SOS2: variants seen among roughly 807,000 people sequenced by gnomAD.
The protein encoded by SOS2 is SOS Ras/Rho guanine nucleotide exchange factor 2, also known as son of sevenless homolog 2.
SOS2 carries 65 observed loss-of-function variants against 148.2 expected under a neutral mutation model. That is an observed-to-expected ratio of 0.44 (90% CI 0.36 to 0.54). SOS2 has a LOEUF of 0.54. Among genes scored for constraint, SOS2 ranks in the 20% least tolerant of loss-of-function variants. SOS2 has a pLI of 0.00. For missense variants in SOS2, 1,341 were observed against 1,590.2 expected, an observed-to-expected ratio of 0.84 and a Z score of 2.67; for synonymous variants, 539 against 537.1, an observed-to-expected ratio of 1.00 and a Z score of -0.05.
intron 14 of SOS2, among the ~76,000 whole-genome samples, chr14:50,146,628 C>CA (rs2139582135): frequency 1.3e-5 from 2 of 152,230 alleles, no homozygotes; most frequent in South Asian, 4.2e-4. Context: ...GCCTGGGCAA[C>CA]AGAGTGAGAC....
intron 11 of SOS2, 39 bp downstream of exon 11, chr14:50,158,526 A>G (rs891733945): frequency 7.9e-7 from 1 of 1,260,708 alleles, no homozygotes; most frequent in African/African-American, 1.5e-5. Context: ...TTAATTTTTC[A>G]CAAAATGTCA....
intron 1 of SOS2, among the ~76,000 whole-genome samples, chr14:50,224,744 G>A (rs1887315324): frequency 6.6e-6 from 1 of 151,856 alleles, no homozygotes; most frequent in South Asian, 2.1e-4. Flanking sequence ...AAATTAGCTG[G>A]GTGTAGTGGC....
Position 50,145,111 on chromosome 14 carries a change from TC to T in SOS2, c.2667+58del. 3.2e-6 allele frequency: 3 copies of T among 938,198 alleles called. No individual in the cohort carries two copies. In the East Asian group the frequency reaches 8.6e-5, roughly 27 times the overall value. The allele number at this position is 938,198 out of a possible 1,614,324, so 58.1% of individuals were successfully genotyped here. The stretch of plus-strand genomic sequence containing the variant: ...AAAAAGACAGATGATAGATGAAATT[TC>T]TTTTATGCTAATTTCATCATCCCCG... On this transcript the variant is annotated intron_variant, in intron 16 of 22. Transcript: ENST00000216373.
chr14:50,224,304 A>AAAAAAT (rs1243000778), intron 1 of SOS2, among the ~76,000 whole-genome samples: 3 of 62,672 alleles, frequency 4.8e-5, no homozygotes, highest in African/African-American at 1.8e-4. Context: ...AAAAAAAAAA[A>AAAAAAT]ATATATATAT....
chr14:50,180,488 A>G, intron 7 of SOS2, 84 bp downstream of exon 7: 2 of 642,844 alleles, frequency 3.1e-6, no homozygotes, highest in Non-Finnish European at 5.2e-6. Flanking sequence ...TTCCAGAATT[A>G]CAAATATTTG....
intron 8 of SOS2, among the ~76,000 whole-genome samples, chr14:50,163,374 CA>C: frequency 1.3e-5 from 2 of 152,188 alleles, no homozygotes; most frequent in Non-Finnish European, 2.9e-5. Context: ...CTTTCCTCAG[CA>C]AAGAACTAAC....
At chr14:50,161,695 A>G in intron 8 of SOS2, 86 bp from the exon 9 acceptor site, 1 of 1,209,334 alleles carries the variant, frequency 8.3e-7, no homozygotes, top group Non-Finnish European at 1.2e-6. Flanking sequence ...AGCAACAAAT[A>G]TTATCAACTC....
chr14:50,145,492 G>A lies in SOS2; in HGVS notation c.2489C>T (p.Thr830Ile). 6.2e-7 allele frequency: 1 copy of A among 1,603,012 alleles called. No homozygotes were observed. The highest frequency in any genetic ancestry group is 8.5e-7 in the Non-Finnish European group (1 of 1,172,710). The change falls in exon 15 of 23, where the codon ACC becomes ATC. Residue 830 changes from threonine (T) to isoleucine (I), a missense_variant. By Grantham distance (89) the Thr-to-Ile change is moderately conservative (BLOSUM62 -1). Around this residue, in one of 4 missense-constraint regions of SOS2, gnomAD observed 408 missense variants for 506.6 expected, o/e 0.81. Transcript: ENST00000216373. ...TAAAACTTACTTTTCAAACCAGAGG[G>A]TGAGATTTGTGGTATGGCGAATCAT... is the stretch of plus-strand genomic sequence containing the variant. ...LKMIRHTTNL[T>I]LWFEKCIVEA...
rs76151618 is a variant in SOS2, at chr14:50,211,383, A to C, written c.88-6974T>G. On this transcript the variant is annotated intron_variant, in intron 1 of 22. Coordinates refer to ENST00000216373, the MANE Select transcript of SOS2 (RefSeq NM_006939.4). ...GGTATATGTGCAGATTTTGTTACCTAGGTATATTGTGTCATGCTGAGGTTT... is the reference window on the plus strand; with the variant it reads ...GGTATATGTGCAGATTTTGTTACCTCGGTATATTGTGTCATGCTGAGGTTT... Among the ~76,000 whole-genome samples, 1,438 of 152,146 alleles carry C rather than the reference A, an allele frequency of 9.5e-3. 16 individuals are homozygous for C. The highest frequency in any genetic ancestry group is 0.065 in the Middle Eastern group (19 of 292).
intron 21 of SOS2, among the ~76,000 whole-genome samples, chr14:50,123,543 C>CTGTATTTTT (rs1883590209): frequency 6.6e-6 from 1 of 152,026 alleles, no homozygotes; most frequent in Non-Finnish European, 1.5e-5. Flanking sequence ...CAACCAGGCC[C>CTGTATTTTT]AGCTAATTTT....
intron 21 of SOS2, among the ~76,000 whole-genome samples, chr14:50,126,234 A>C (rs1883675993): frequency 6.6e-6 from 1 of 152,162 alleles, no homozygotes; most frequent in Non-Finnish European, 1.5e-5. Flanking sequence ...TTTTTTCAAA[A>C]ATACTGTAAT....
chr14:50,192,143 C>CAAAAAAAA (rs201836422), intron 4 of SOS2, among the ~76,000 whole-genome samples: 5 of 118,926 alleles, frequency 4.2e-5, no homozygotes, highest in Non-Finnish European at 8.3e-5. Context: ...GTCCTTGTCA[C>CAAAAAAAA]AAAAAAAAAA....
chr14:50,165,459 T>C (rs1885135994), intron 8 of SOS2, among the ~76,000 whole-genome samples: 2 of 152,092 alleles, frequency 1.3e-5, no homozygotes, highest in Non-Finnish European at 2.9e-5. Context: ...CCCAAAACCA[T>C]TATGTATTTT....
Position 50,150,239 on chromosome 14 carries a change from A to G in SOS2, c.2162-9T>C, listed in dbSNP as rs1323977339. On this transcript the variant is annotated splice_polypyrimidine_tract_variant and intron_variant, in intron 13 of 22. Transcript: ENST00000216373. ...TTTTTTCATAGCTTTCCCTGGAAAA[A>G]GAACACATAAAGAAAAATGTCTTTT... 3.3e-6 allele frequency: 5 copies of G among 1,535,750 alleles called. No individual in the cohort carries two copies. The highest frequency in any genetic ancestry group is 1.4e-5 in the African/African-American group (1 of 73,506).
intron 1 of SOS2, among the ~76,000 whole-genome samples, chr14:50,220,286 G>A (rs1232664269): frequency 6.7e-6 from 1 of 149,910 alleles, no homozygotes; most frequent in Non-Finnish European, 1.5e-5. Context: ...GGCGCCTGTA[G>A]TCCCAGCTAC....
At chr14:50,225,968 C>T (rs957040703) in intron 1 of SOS2, among the ~76,000 whole-genome samples, 1 of 146,506 alleles carries the variant, frequency 6.8e-6, no homozygotes, top group African/African-American at 2.4e-5. Context: ...AACAAACAAA[C>T]AAATCATGTT....
intron 15 of SOS2, 36 bp downstream of exon 15, chr14:50,145,441 G>T: frequency 6.3e-7 from 1 of 1,581,714 alleles, no homozygotes; most frequent in Non-Finnish European, 8.6e-7. Context: ...TAATATTATG[G>T]CTATTAGGAG....
At chr14:50,178,746 T>TATA (rs1555371336) in intron 7 of SOS2, among the ~76,000 whole-genome samples, 23 of 131,730 alleles carry the variant, frequency 1.7e-4, no homozygotes, top group East Asian at 2.2e-4. Context: ...ATATATATAT[T>TATA]TTTTGGAGAC....
intron 1 of SOS2, 36 bp downstream of exon 1, chr14:50,231,161 G>T: frequency 7.8e-7 from 1 of 1,285,978 alleles, no homozygotes. Context: ...GGGGGGCCAC[G>T]GGCCACCCGC....
Sources: gnomAD v4.1 joint callset for allele counts (sites outside exome capture counted in the v4.1 genomes callset) on GRCh38, gnomAD v4.1.1 for gene constraint, gnomAD v4.1.1 regional missense constraint, MANE v1.5 for transcripts, NCBI Gene and HGNC (gene_info 2026-07-23, HGNC 2026-07-21) for gene names.